The following LRRC63 variants were observed in gnomAD, a reference collection of about 807,000 sequenced individuals.
LRRC63 encodes leucine-rich repeat-containing protein 63.
In LRRC63, 40 loss-of-function variants were observed where a neutral mutation model predicts 49.5. That is an observed-to-expected ratio of 0.81 (90% CI 0.63 to 1.05). The LOEUF (loss-of-function observed/expected upper bound fraction) is 1.05. Among genes scored for constraint, LRRC63 ranks in the 50% least tolerant of loss-of-function variants. The pLI, the probability that LRRC63 is intolerant of heterozygous loss-of-function variation, is 0.00. For synonymous variants in LRRC63, 191 were observed against 221.1 expected (o/e 0.86, Z 1.21); for missense variants, 636 against 663.1 (o/e 0.96, Z 0.45).
chr13:46,227,530 A>T, exon 3 of LRRC63: 2 of 1,488,912 alleles, frequency 1.3e-6, no homozygotes, highest in Admixed American at 5.3e-5. Flanking sequence ...GGTAAAATTG[A>T]GTCACTACAT....
intron 5 of LRRC63, among the ~76,000 whole-genome samples, chr13:46,234,583 A>G (rs368968259): frequency 6.6e-6 from 1 of 152,202 alleles, no homozygotes; most frequent in African/African-American, 2.4e-5. Flanking sequence ...TACTTAGCAT[A>G]AGAGAATTTG....
rs546516443 is a variant in LRRC63 at position 46,219,296 on chromosome 13, G to A, written c.85+6177G>A. On this transcript the variant is annotated intron_variant, in intron 2 of 9. Transcript: ENST00000595396. ...GCCATATTTCTTGGAGGCTTTGTTC[G>A]TTCCTTTTCATTCTTTTTTCTCTAA... Among the ~76,000 whole-genome samples the A allele has an allele frequency of 7.2e-5, 11 of 152,158 alleles. No individual in the cohort carries two copies. In the East Asian group the frequency reaches 1.2e-3, roughly 16 times the overall value.
chr13:46,241,156 A>G (rs1202979469), intron 5 of LRRC63, among the ~76,000 whole-genome samples: 2 of 152,200 alleles, frequency 1.3e-5, no homozygotes, highest in Admixed American at 6.5e-5. Flanking sequence ...TAGAGAACCC[A>G]GAAATAAGGC....
In LRRC63 at chr13:46,270,574, T is replaced by C. The variant is rs571681525; in HGVS notation, c.1550+3602T>C. The stretch of plus-strand genomic sequence containing the variant: ...AAGGGTTACTGACACAAAAACGGTA[T>C]GAAGAAGTCATGGTGAAATGCATTA... On this transcript the variant is annotated intron_variant, in intron 9 of 9. Coordinates refer to ENST00000595396, the Ensembl canonical transcript of LRRC63. 5 of 878,816 alleles carry C rather than the reference T, an allele frequency of 5.7e-6. No individual in the cohort carries two copies. The East Asian group carries it at 1.2e-4, about 22-fold the overall frequency. 54.4% of individuals were successfully genotyped at this position (878,816 alleles called of 1,614,324 possible).
chr13:46,250,213 T>G (rs2047339683), intron 6 of LRRC63, 142 bp from the exon 7 acceptor site: 1 of 662,826 alleles, frequency 1.5e-6, no homozygotes, highest in Admixed American at 3.2e-5. Context: ...TGACCGAGGG[T>G]GTTTACTGAG....
intron 9 of LRRC63, chr13:46,270,141 G>T: frequency 7.1e-6 from 5 of 707,368 alleles, no homozygotes; most frequent in Non-Finnish European, 1.3e-5. Flanking sequence ...TACTTCACTC[G>T]CTGGTACAAA....
intron 9 of LRRC63, among the ~76,000 whole-genome samples, chr13:46,268,197 C>T (rs1285009175): frequency 1.3e-5 from 2 of 151,896 alleles, no homozygotes; most frequent in South Asian, 2.1e-4. Context: ...ATTCTAGAAA[C>T]TAAAAATATA....
intron 2 of LRRC63, among the ~76,000 whole-genome samples, chr13:46,220,020 C>T (rs1429093213): frequency 2.6e-5 from 4 of 152,180 alleles, no homozygotes; most frequent in African/African-American, 9.6e-5. Context: ...CTGGAGCTCT[C>T]TTGTATGAGA....
chr13:46,273,659 T>A (rs1441100469), intron 9 of LRRC63, among the ~76,000 whole-genome samples: 1 of 146,528 alleles, frequency 6.8e-6, no homozygotes, highest in Admixed American at 6.8e-5. Context: ...ACGCCTGTAA[T>A]CTCAACACTT....
At chr13:46,249,181 A>G (rs112169405) in intron 6 of LRRC63, among the ~76,000 whole-genome samples, 5 of 152,008 alleles carry the variant, frequency 3.3e-5, no homozygotes, top group Middle Eastern at 3.4e-3. Flanking sequence ...TAAATCTTTT[A>G]AAAAAGAAGA....
At chr13:46,245,694 A>G (rs2047194469) in intron 5 of LRRC63, among the ~76,000 whole-genome samples, 1 of 152,220 alleles carries the variant, frequency 6.6e-6, no homozygotes, top group African/African-American at 2.4e-5. Context: ...ATAACAATGA[A>G]GACAGTACAG....
intron 2 of LRRC63, among the ~76,000 whole-genome samples, chr13:46,213,969 A>G (rs949959153): frequency 2.0e-5 from 3 of 152,186 alleles, no homozygotes; most frequent in Admixed American, 2.0e-4. Context: ...ACTGATTGTA[A>G]TCAATCAATC....
intron 2 of LRRC63, among the ~76,000 whole-genome samples, chr13:46,222,929 G>A (rs1350976801): frequency 6.6e-6 from 1 of 151,860 alleles, no homozygotes; most frequent in Non-Finnish European, 1.5e-5. Context: ...GATGAAATTG[G>A]AAATCATCAT....
intron 5 of LRRC63, among the ~76,000 whole-genome samples, chr13:46,242,632 G>A (rs905690763): frequency 6.6e-6 from 1 of 151,840 alleles, no homozygotes; most frequent in Admixed American, 6.6e-5. Context: ...AATCAAATTA[G>A]CAAAAATCAA....
At chr13:46,235,118 C>CCGCA (rs2138442127) in intron 5 of LRRC63, among the ~76,000 whole-genome samples, 1 of 152,120 alleles carries the variant, frequency 6.6e-6, no homozygotes, top group South Asian at 2.1e-4. Flanking sequence ...ATTTCGCTGA[C>CCGCA]CTCTAAATGC....
exon 5 of LRRC63, chr13:46,234,294 C>T: frequency 6.5e-7 from 1 of 1,550,242 alleles, no homozygotes; most frequent in Non-Finnish European, 8.7e-7. Context: ...ACAGCCATGA[C>T]CAACCTGGCC....
At chr13:46,221,270 G>A (rs1255227225) in intron 2 of LRRC63, among the ~76,000 whole-genome samples, 2 of 152,214 alleles carry the variant, frequency 1.3e-5, no homozygotes, top group Non-Finnish European at 2.9e-5. Context: ...GTTGATAAGA[G>A]AAGATTTTCC....
intron 9 of LRRC63, 101 bp from the exon 10 acceptor site, chr13:46,276,489 T>C: frequency 9.8e-6 from 5 of 509,252 alleles, no homozygotes; most frequent in Non-Finnish European, 1.2e-5. Flanking sequence ...GTAAGCTCAA[T>C]GAAGGTAAGG....
At chr13:46,215,719 A>G (rs2046232286) in intron 2 of LRRC63, among the ~76,000 whole-genome samples, 2 of 152,098 alleles carry the variant, frequency 1.3e-5, no homozygotes, top group African/African-American at 4.8e-5. Flanking sequence ...GGTATTGCCT[A>G]GGTTTTCTTC....
Sources: gnomAD v4.1 joint callset for allele counts (sites outside exome capture counted in the v4.1 genomes callset) on GRCh38, gnomAD v4.1.1 for gene constraint, MANE v1.5 for transcripts, NCBI Gene and HGNC (gene_info 2026-07-23, HGNC 2026-07-21) for gene names.